TENM3: variants seen among roughly 807,000 people sequenced by gnomAD.
The protein encoded by TENM3 is teneurin-3.
Under a neutral mutation model 255.1 loss-of-function variants are expected in TENM3, and 63 were observed. The observed-to-expected ratio is 0.25, with a 90% CI of 0.20 to 0.30. The LOEUF (loss-of-function observed/expected upper bound fraction) is 0.30. TENM3 is among the 10% of genes least tolerant of loss of function. The pLI, the probability that TENM3 is intolerant of heterozygous loss-of-function variation, is 1.00. For missense variants in TENM3, 2,929 were observed against 3,461.1 expected (o/e 0.85, Z 3.86); for synonymous variants, 1,306 against 1,322.3 (o/e 0.99, Z 0.27).
rs147760884 is a variant in TENM3, at chr4:182,271,715, A to G, written c.-76+28239A>G. Among the ~76,000 whole-genome samples the G allele has an allele frequency of 5.4e-3, 823 of 152,336 alleles. 9 individuals are homozygous for G. The highest frequency in any genetic ancestry group is 0.019 in the African/African-American group (783 of 41,568). On this transcript the variant is annotated intron_variant, in intron 1 of 27. Transcript: ENST00000511685. ...ATCTTCAATAAATTGTATAACGGTA[A>G]TTAATTCTCACAGCATCCATTTGAC...
intron 5 of TENM3, among the ~76,000 whole-genome samples, chr4:182,652,100 T>A (rs1753361340): frequency 6.6e-6 from 1 of 152,200 alleles, no homozygotes; most frequent in Non-Finnish European, 1.5e-5. Flanking sequence ...TTTTCTTAGA[T>A]TTTTAAAATC....
the TENM3 span, among the ~76,000 whole-genome samples, chr4:181,763,936 T>C: frequency 5.2e-4 from 79 of 152,312 alleles, no homozygotes; most frequent in African/African-American, 1.8e-3. Context: ...ATAGATCATT[T>C]TGATTATGAC....
At chr4:181,650,031 A>C in the TENM3 span, among the ~76,000 whole-genome samples, 1 of 152,200 alleles carries the variant, frequency 6.6e-6, no homozygotes, top group Non-Finnish European at 1.5e-5. Context: ...CTCATTAGAC[A>C]AGTCAGGTAT....
At chr4:182,532,110 C>T (rs980142509) in intron 3 of TENM3, among the ~76,000 whole-genome samples, 3 of 152,180 alleles carry the variant, frequency 2.0e-5, no homozygotes, top group Non-Finnish European at 2.9e-5. Flanking sequence ...TAAACTGTTT[C>T]TAACATATTC....
the TENM3 span, among the ~76,000 whole-genome samples, chr4:181,917,745 T>TCC: frequency 1.6e-3 from 237 of 144,754 alleles, 9 homozygotes; most frequent in South Asian, 0.053. Context: ...CACTGAAACC[T>TCC]CCGCCTCCCA....
the TENM3 span, among the ~76,000 whole-genome samples, chr4:181,593,864 T>C: frequency 6.6e-6 from 1 of 152,166 alleles, no homozygotes; most frequent in Non-Finnish European, 1.5e-5. Context: ...TTTTTTTCAG[T>C]TTTCTTATTG....
chr4:182,092,555 G>T, the TENM3 span, among the ~76,000 whole-genome samples: 1 of 152,070 alleles, frequency 6.6e-6, no homozygotes, highest in African/African-American at 2.4e-5. Context: ...GGCCAAGGTG[G>T]ACCTCGAGGT....
At chr4:182,014,004 AC>A in the TENM3 span, among the ~76,000 whole-genome samples, 2 of 75,996 alleles carry the variant, frequency 2.6e-5, no homozygotes, top group East Asian at 3.2e-4. Context: ...ACACATATAT[AC>A]GTATATATAC....
chr4:182,737,121 C>A, intron 17 of TENM3, 46 bp downstream of exon 17: 1 of 1,566,832 alleles, frequency 6.4e-7, no homozygotes, highest in Non-Finnish European at 8.7e-7. Context: ...TTTCTCAAAG[C>A]CAGAACTATC....
At chr4:182,716,436 T>C (rs773828384) in intron 13 of TENM3, among the ~76,000 whole-genome samples, 4 of 152,202 alleles carry the variant, frequency 2.6e-5, no homozygotes, top group Non-Finnish European at 5.9e-5. Flanking sequence ...TAGGCTCCCC[T>C]CTCGGAGGGG....
chr4:182,761,597 T>C (rs914006987), intron 22 of TENM3, among the ~76,000 whole-genome samples: 3 of 145,222 alleles, frequency 2.1e-5, no homozygotes, highest in Non-Finnish European at 4.4e-5. Flanking sequence ...TAAGTATATA[T>C]GTATACACAC....
At chr4:182,068,350 T>C in the TENM3 span, among the ~76,000 whole-genome samples, 1 of 151,062 alleles carries the variant, frequency 6.6e-6, no homozygotes, top group Non-Finnish European at 1.5e-5. Context: ...TTCTTGCAAA[T>C]AATGAGGATA....
the TENM3 span, among the ~76,000 whole-genome samples, chr4:182,001,501 A>G: frequency 6.6e-6 from 1 of 152,100 alleles, no homozygotes. Flanking sequence ...ACCAAACAAC[A>G]TAAGAAACCA....
chr4:182,717,049 T>G (rs1759251963), intron 13 of TENM3, among the ~76,000 whole-genome samples: 1 of 67,220 alleles, frequency 1.5e-5, no homozygotes, highest in African/African-American at 4.5e-5. Flanking sequence ...TGCGTACCAT[T>G]CCCGGAACTA....
intron 3 of TENM3, among the ~76,000 whole-genome samples, chr4:182,473,167 T>A (rs533855721): frequency 3.3e-5 from 5 of 152,208 alleles, no homozygotes; most frequent in Non-Finnish European, 7.3e-5. Flanking sequence ...TTCTTGAAAT[T>A]CCTTTATTGT....
intron 5 of TENM3, among the ~76,000 whole-genome samples, chr4:182,637,022 T>C (rs1319650267): frequency 6.6e-6 from 1 of 152,206 alleles, no homozygotes; most frequent in African/African-American, 2.4e-5. Context: ...TTAATTGGTG[T>C]TGCATATGTC....
chr4:182,466,362 C>CTTG (rs1201682078), intron 3 of TENM3, among the ~76,000 whole-genome samples: 3 of 152,148 alleles, frequency 2.0e-5, no homozygotes, highest in Non-Finnish European at 4.4e-5. Flanking sequence ...CATTCTTTGG[C>CTTG]TTGTACCTGC....
the TENM3 span, among the ~76,000 whole-genome samples, chr4:181,967,013 CT>C: frequency 6.6e-6 from 1 of 152,060 alleles, no homozygotes. Flanking sequence ...CTCGCTCTCT[CT>C]CTCTCTCTCT....
the TENM3 span, among the ~76,000 whole-genome samples, chr4:181,898,449 T>C: frequency 9.2e-5 from 14 of 152,304 alleles, no homozygotes; most frequent in Admixed American, 2.6e-4. Context: ...TTTCCTCTGA[T>C]TATTAACATA....
Sources: allele counts gnomAD v4.1 joint callset (sites outside exome capture counted in the v4.1 genomes callset), GRCh38; gene constraint gnomAD v4.1.1; transcripts MANE v1.5; gene names NCBI Gene and HGNC (gene_info 2026-07-23, HGNC 2026-07-21).